Variants in NFIA observed in about 807,000 individuals in gnomAD.
The protein encoded by NFIA is nuclear factor I A, also known as nuclear factor 1 A-type.
Under a neutral mutation model 62.8 loss-of-function variants are expected in NFIA, and 8 were observed. The ratio of observed to expected loss-of-function variants is 0.13; its 90% CI spans 0.07 to 0.23. The LOEUF is 0.23. Ranked by LOEUF, NFIA falls within the 10% of genes least tolerant of loss-of-function variation. NFIA has a pLI of 1.00. For synonymous variants in NFIA, 235 were observed against 238.1 expected (o/e 0.99, Z 0.12); for missense variants, 410 against 642.1 (o/e 0.64, Z 3.91).
intron 6 of NFIA, among the ~76,000 whole-genome samples, chr1:61,380,914 G>T (rs1664382169): frequency 6.6e-6 from 1 of 152,162 alleles, no homozygotes; most frequent in Non-Finnish European, 1.5e-5. Flanking sequence ...AATTTTACTT[G>T]TAATTCCTTT....
intron 3 of NFIA, among the ~76,000 whole-genome samples, chr1:61,286,765 G>A (rs1487934523): frequency 6.6e-6 from 1 of 152,156 alleles, no homozygotes; most frequent in Non-Finnish European, 1.5e-5. Context: ...GCAATATAAG[G>A]GATTAAAGAA....
chr1:61,123,070 A>C (rs1221673259), intron 2 of NFIA, among the ~76,000 whole-genome samples: 1 of 152,238 alleles, frequency 6.6e-6, no homozygotes, highest in East Asian at 1.9e-4. Context: ...TAATCTACTT[A>C]AATGATATCC....
chr1:61,292,364 G>T (rs777949216), intron 3 of NFIA, among the ~76,000 whole-genome samples: 2 of 152,140 alleles, frequency 1.3e-5, no homozygotes, highest in Admixed American at 6.6e-5. Context: ...CTTGTGTTCA[G>T]GAGTTTAAGT....
intron 6 of NFIA, among the ~76,000 whole-genome samples, chr1:61,366,244 C>T (rs899328245): frequency 2.0e-5 from 3 of 151,994 alleles, no homozygotes; most frequent in Admixed American, 6.6e-5. Flanking sequence ...GATTTGAGAC[C>T]GCATCTGCAT....
intron 9 of NFIA, among the ~76,000 whole-genome samples, chr1:61,418,820 C>A (rs1666474827): frequency 6.6e-6 from 1 of 152,114 alleles, no homozygotes; most frequent in Non-Finnish European, 1.5e-5. Context: ...AGTTGCACTG[C>A]CTTTTGAGAG....
chr1:61,277,483 A>G, intron 2 of NFIA, 37 bp from the exon 3 acceptor site: 1 of 1,609,460 alleles, frequency 6.2e-7, no homozygotes, highest in South Asian at 1.1e-5. Flanking sequence ...TCCCTTGCAG[A>G]CCCTGTAATT....
intron 2 of NFIA, among the ~76,000 whole-genome samples, chr1:61,195,003 G>C (rs1430118090): frequency 1.3e-5 from 2 of 151,998 alleles, no homozygotes; most frequent in Non-Finnish European, 2.9e-5. Flanking sequence ...GCTCTTTTCT[G>C]TAGCTTTCTG....
chr1:61,356,393 A>G (rs1662954836), intron 5 of NFIA, among the ~76,000 whole-genome samples: 2 of 152,216 alleles, frequency 1.3e-5, no homozygotes, highest in South Asian at 4.1e-4. Flanking sequence ...AACAGGTAAT[A>G]TTAAATGTAG....
chr1:61,368,971 G>A (rs986447625), intron 6 of NFIA, among the ~76,000 whole-genome samples: 3 of 152,210 alleles, frequency 2.0e-5, no homozygotes, highest in Admixed American at 6.5e-5. Context: ...CCCAATGGCT[G>A]TAATAGATAA....
intron 3 of NFIA, among the ~76,000 whole-genome samples, chr1:61,287,598 A>T (rs1658586922): frequency 6.6e-6 from 1 of 152,026 alleles, no homozygotes; most frequent in African/African-American, 2.4e-5. Context: ...TGTGGCCAGG[A>T]GTTTGAGACC....
chr1:61,163,378 G>A (rs1468473214), intron 2 of NFIA, among the ~76,000 whole-genome samples: 2 of 152,226 alleles, frequency 1.3e-5, no homozygotes, highest in East Asian at 3.9e-4. Flanking sequence ...TTTTGGATCA[G>A]TTCTTTTCTT....
chr1:61,133,987 G>A (rs937644783), intron 2 of NFIA, among the ~76,000 whole-genome samples: 4 of 151,972 alleles, frequency 2.6e-5, no homozygotes, highest in East Asian at 1.9e-4. Flanking sequence ...TTAGCCGGGC[G>A]TGGTGGTGCA....
At chr1:61,082,380 C>CGCG, upstream of NFIA, 2 of 685,452 alleles carry the variant, frequency 2.9e-6, no homozygotes, top group Non-Finnish European at 3.6e-6. Context: ...CCCTCCCCCC[C>CGCG]GCGGCGGCGG....
rs564985053 is a variant in NFIA, at chr1:61,247,484, C to T, written c.560-30036C>T. On this transcript the variant is annotated intron_variant, in intron 2 of 10. Transcript: ENST00000403491. ...AGGGTCAGCTCATTAAAGCTACTTT[C>T]TGGGTCCTCGTTAATGTCATGCAGG... is the stretch of plus-strand genomic sequence containing the variant. 3.9e-4 allele frequency among the ~76,000 whole-genome samples: 59 copies of T among 152,266 alleles called. 1 individual carries two copies. In the Middle Eastern group the frequency reaches 0.01, roughly 26 times the overall value.
intron 3 of NFIA, among the ~76,000 whole-genome samples, chr1:61,324,673 T>C (rs1429707149): frequency 6.6e-6 from 1 of 152,222 alleles, no homozygotes; most frequent in East Asian, 1.9e-4. Context: ...TACCTGTCTC[T>C]CTTCAAATCT....
chr1:61,374,767 T>C (rs1664065473), intron 6 of NFIA, among the ~76,000 whole-genome samples: 1 of 152,238 alleles, frequency 6.6e-6, no homozygotes, highest in Non-Finnish European at 1.5e-5. Flanking sequence ...TTTCAATGGC[T>C]ACATATAGAG....
chr1:61,118,076 T>G (rs1158075087), intron 2 of NFIA, among the ~76,000 whole-genome samples: 1 of 151,324 alleles, frequency 6.6e-6, no homozygotes, highest in African/African-American at 2.4e-5. Context: ...TCCCAGCTAC[T>G]CAGGAGGTTG....
At position 61,158,848 on chromosome 1, in the gene NFIA, A is replaced by G. The variant is rs1432781008; in HGVS notation, c.559+70168A>G. On this transcript the variant is annotated intron_variant, in intron 2 of 10. Transcript: ENST00000403491. ...TAAATACTTCCAGTTGTGAGGAGCC[A>G]TGCATTTATTTTGGTTATTTTCCCA... Among the ~76,000 whole-genome samples the G allele has an allele frequency of 6.6e-5, 10 of 152,310 alleles. No individual in the cohort carries two copies. In the East Asian group the frequency reaches 1.9e-3, roughly 29 times the overall value.
At chr1:61,177,869 C>A (rs1168892800) in intron 2 of NFIA, among the ~76,000 whole-genome samples, 1 of 152,198 alleles carries the variant, frequency 6.6e-6, no homozygotes, top group African/African-American at 2.4e-5. Context: ...TTCTCCCACA[C>A]AGTAGCCACT....
Sources: gnomAD v4.1 joint callset for allele counts (sites outside exome capture counted in the v4.1 genomes callset) on GRCh38, gnomAD v4.1.1 for gene constraint, MANE v1.5 for transcripts, NCBI Gene and HGNC (gene_info 2026-07-23, HGNC 2026-07-21) for gene names.